The following NCAM2 variants were observed in gnomAD, a reference collection of about 807,000 sequenced individuals.
The protein encoded by NCAM2 is N-CAM-2.
In NCAM2, 30 loss-of-function variants were observed where a neutral mutation model predicts 98.1. The ratio of observed to expected loss-of-function variants is 0.31; its 90% confidence interval spans 0.23 to 0.41. The LOEUF (loss-of-function observed/expected upper bound fraction) is 0.41, where lower values mean the gene tolerates loss of function less well. NCAM2 is among the 10% of genes least tolerant of loss of function. NCAM2 has a pLI of 1.00. For missense variants in NCAM2, 867 were observed against 1,005.8 expected (o/e 0.86, Z 1.87); for synonymous variants, 368 against 342.4 (o/e 1.07, Z -0.83).
intron 1 of NCAM2, among the ~76,000 whole-genome samples, chr21:21,169,386 A>T (rs1199124834): frequency 6.6e-6 from 1 of 152,176 alleles, no homozygotes; most frequent in Non-Finnish European, 1.5e-5. Context: ...GTGCATCATA[A>T]TGACATTTTA....
chr21:21,376,604 AT>A (rs1159617931), intron 9 of NCAM2, among the ~76,000 whole-genome samples: 1 of 151,812 alleles, frequency 6.6e-6, no homozygotes, highest in Non-Finnish European at 1.5e-5. Context: ...GTATATTGCA[AT>A]TTGAATTATT....
intron 1 of NCAM2, among the ~76,000 whole-genome samples, chr21:21,222,730 C>T (rs547443374): frequency 3.0e-4 from 46 of 152,258 alleles, no homozygotes; most frequent in African/African-American, 9.6e-4. Context: ...ATGCTATGAA[C>T]ATTGTTGAAA....
At chr21:21,265,418 A>T (rs1253023928) in intron 1 of NCAM2, among the ~76,000 whole-genome samples, 1 of 98,440 alleles carries the variant, frequency 1.0e-5, no homozygotes, top group Non-Finnish European at 1.9e-5. Flanking sequence ...GTGTATATAT[A>T]ATATATGTGT....
chr21:21,197,288 C>T (rs1379687103), intron 1 of NCAM2, among the ~76,000 whole-genome samples: 1 of 152,082 alleles, frequency 6.6e-6, no homozygotes, highest in Admixed American at 6.5e-5. Flanking sequence ...CAGCACCACG[C>T]CTGGCTAACT....
rs79402970 is a variant in NCAM2 at position 21,463,220 on chromosome 21, T to C, written c.1655-3386T>C. 3.8e-3 allele frequency among the ~76,000 whole-genome samples: 585 copies of C among 152,216 alleles called. 13 individuals are homozygous for C. The East Asian group carries it at 0.049, about 13-fold the overall frequency. ...AATTACAGATGATTTAATGTATATA[T>C]CCTCTCATTTAAGAAAGGCAAGTCA... On this transcript the variant is annotated intron_variant, in intron 12 of 17. Coordinates refer to ENST00000400546, the MANE Select transcript of NCAM2 (RefSeq NM_004540.5).
intron 5 of NCAM2, among the ~76,000 whole-genome samples, chr21:21,297,947 C>A (rs2073554200): frequency 6.6e-6 from 1 of 151,630 alleles, no homozygotes. Flanking sequence ...TAAAAAACAC[C>A]TAGTAATGCA....
intron 1 of NCAM2, among the ~76,000 whole-genome samples, chr21:21,166,745 T>G (rs1263270899): frequency 6.6e-6 from 1 of 152,198 alleles, no homozygotes; most frequent in Non-Finnish European, 1.5e-5. Context: ...ACCACATTGT[T>G]ACGCAGAATG....
At chr21:21,477,249 G>A (rs368251183) in intron 14 of NCAM2, 42 bp from the exon 15 acceptor site, 14 of 1,461,600 alleles carry the variant, frequency 9.6e-6, no homozygotes, top group Admixed American at 2.1e-5. Context: ...TGTCACTTTA[G>A]TGTATGGATA....
intron 10 of NCAM2, among the ~76,000 whole-genome samples, chr21:21,416,707 C>T (rs1264216352): frequency 3.3e-5 from 5 of 152,010 alleles, no homozygotes; most frequent in Non-Finnish European, 7.4e-5. Flanking sequence ...AATATTTTTA[C>T]TTAATGGTCT....
intron 9 of NCAM2, among the ~76,000 whole-genome samples, chr21:21,385,104 T>A (rs761815795): frequency 2.0e-4 from 31 of 152,082 alleles, no homozygotes; most frequent in Non-Finnish European, 3.8e-4. Context: ...TAGTTGTATA[T>A]TGCAATCAAA....
intron 1 of NCAM2, among the ~76,000 whole-genome samples, chr21:21,163,341 G>A (rs2067848369): frequency 6.6e-6 from 1 of 152,132 alleles, no homozygotes; most frequent in Admixed American, 6.5e-5. Flanking sequence ...GAGGGATGTA[G>A]GAAGGTAGAA....
In NCAM2 at chr21:21,211,934, G is replaced by A. The variant is rs547368758; in HGVS notation, c.56-68644G>A. On this transcript the variant is annotated intron_variant, in intron 1 of 17. Coordinates refer to ENST00000400546, the MANE Select transcript of NCAM2 (RefSeq NM_004540.5). ...CTACTGGCAAAGATTTGGAAAATCTGGATCTATTGTACATTGGTGATGGGA... is the reference window on the plus strand; with the variant it reads ...CTACTGGCAAAGATTTGGAAAATCTAGATCTATTGTACATTGGTGATGGGA... 4.1e-4 allele frequency among the ~76,000 whole-genome samples: 63 copies of A among 152,234 alleles called. No individual in the cohort carries two copies. In the South Asian group the frequency reaches 0.013, roughly 32 times the overall value.
chr21:21,206,304 G>A (rs2069435826), intron 1 of NCAM2, among the ~76,000 whole-genome samples: 1 of 152,120 alleles, frequency 6.6e-6, no homozygotes, highest in African/African-American at 2.4e-5. Context: ...ACAACATAAA[G>A]TTGTGAAAGC....
chr21:21,249,986 C>G (rs1371703384), intron 1 of NCAM2, among the ~76,000 whole-genome samples: 2 of 152,154 alleles, frequency 1.3e-5, no homozygotes, highest in African/African-American at 4.8e-5. Context: ...TGAATGATTT[C>G]AAGAACCACT....
At chr21:21,042,968 G>A (rs2064935969) in intron 1 of NCAM2, among the ~76,000 whole-genome samples, 1 of 152,120 alleles carries the variant, frequency 6.6e-6, no homozygotes, top group South Asian at 2.1e-4. Context: ...CAATTTTGTT[G>A]TAACATGTAC....
At chr21:21,000,200 A>G (rs555408422) in intron 1 of NCAM2, among the ~76,000 whole-genome samples, 3 of 152,316 alleles carry the variant, frequency 2.0e-5, no homozygotes, top group Admixed American at 6.5e-5. Context: ...TTAACTGTTC[A>G]TTTATAGCAT....
chr21:21,129,721 G>A (rs1023116551), intron 1 of NCAM2, among the ~76,000 whole-genome samples: 2 of 152,088 alleles, frequency 1.3e-5, no homozygotes, highest in Non-Finnish European at 2.9e-5. Context: ...ATCATGTGGG[G>A]GATTAGGTTT....
At chr21:21,098,445 C>T (rs2066170539) in intron 1 of NCAM2, among the ~76,000 whole-genome samples, 2 of 151,728 alleles carry the variant, frequency 1.3e-5, no homozygotes, top group African/African-American at 4.8e-5. Context: ...ATTATTCTTA[C>T]TGAAACCTCA....
At chr21:21,207,195 T>A (rs752259858) in intron 1 of NCAM2, among the ~76,000 whole-genome samples, 10 of 152,196 alleles carry the variant, frequency 6.6e-5, no homozygotes, top group Admixed American at 3.3e-4. Context: ...TTAATCAGAA[T>A]ATTGTTATGT....
Sources: gnomAD v4.1 joint callset for allele counts (sites outside exome capture counted in the v4.1 genomes callset) on GRCh38, gnomAD v4.1.1 for gene constraint, MANE v1.5 for transcripts, NCBI Gene and HGNC (gene_info 2026-07-23, HGNC 2026-07-21) for gene names.